Variants in RBM12 observed in about 807,000 individuals in gnomAD.
RBM12 encodes RNA-binding protein 12.
In RBM12, 24 loss-of-function variants were observed where a neutral mutation model predicts 37.2. The ratio of observed to expected loss-of-function variants is 0.65; its 90% CI spans 0.47 to 0.91. RBM12 has a LOEUF of 0.91. Ranked by LOEUF, RBM12 falls within the 40% of genes least tolerant of loss-of-function variation. The pLI is 0.00. For synonymous variants in RBM12, 420 were observed against 425.2 expected (o/e 0.99, Z 0.15); for missense variants, 1,061 against 1,183.2 (o/e 0.90, Z 1.52).
In RBM12 at chr20:35,654,440, T is replaced by G. The variant is rs752983329; in HGVS notation, c.883A>C (p.Lys295Gln). ...TCATCAGGGTTGATGGGGAGTGGCT[T>G]CACACTGCTCTGAGAGTTCATCTGG... ...PIQMNSQSSV[K>Q]PLPINPDDLY... The change falls in exon 3 of 3, where the codon AAG becomes CAG. Residue 295 changes from lysine to glutamine, a missense_variant. Coordinates refer to ENST00000374114, the MANE Select transcript of RBM12 (RefSeq NM_006047.6). 1 of 1,614,214 alleles carries G rather than the reference T, an allele frequency of 6.2e-7. No homozygotes were observed. The highest frequency in any genetic ancestry group is 8.5e-7 in the Non-Finnish European group (1 of 1,180,036).
At chr20:35,656,016 G>T (rs1181526745) in intron 2 of RBM12, among the ~76,000 whole-genome samples, 2 of 152,178 alleles carry the variant, frequency 1.3e-5, no homozygotes, top group East Asian at 3.9e-4. Flanking sequence ...ACAAGGTTAA[G>T]ACATACTAAG....
rs762801977 is a variant in RBM12 at position 35,653,217 on chromosome 20, A to G, written c.2106T>C (p.Gly702=). 1.4e-5 allele frequency: 23 copies of G among 1,613,304 alleles called. No individual in the cohort carries two copies. The South Asian group carries it at 2.5e-4, about 18-fold the overall frequency. The change falls in exon 3 of 3, where the codon GGT becomes GGC. Residue 702 remains glycine (G), a synonymous_variant. Coordinates refer to ENST00000374114, the MANE Select transcript of RBM12 (RefSeq NM_006047.6). ...CTACAGTCAGGAAGGCATGCTCTTCACCTCCTGCACTAGGTATTCCTGCAC... is the reference window on the plus strand; with the variant it reads ...CTACAGTCAGGAAGGCATGCTCTTCGCCTCCTGCACTAGGTATTCCTGCAC... The part of the protein sequence containing the change: ...MPSAGIPSAG[G]EEHAFLTVGS...
At chr20:35,657,521 G>A (rs1314447382) in intron 2 of RBM12, among the ~76,000 whole-genome samples, 3 of 152,142 alleles carry the variant, frequency 2.0e-5, no homozygotes, top group Non-Finnish European at 2.9e-5. Flanking sequence ...ACTTGATATA[G>A]TCCCAAGAAC....
chr20:35,656,771 T>C (rs562524575), intron 2 of RBM12, among the ~76,000 whole-genome samples: 7 of 147,324 alleles, frequency 4.8e-5, no homozygotes, highest in South Asian at 2.1e-4. Flanking sequence ...TCTTCCAAAG[T>C]GCTGGGATTA....
rs1414618176 is a variant in RBM12, at chr20:35,650,363, T to C, written c.*2161A>G. 4 of 152,370 alleles carry C rather than the reference T, an allele frequency of 2.6e-5. No homozygotes were observed. Among genetic ancestry groups the C allele is most frequent in the Non-Finnish European group, 4.4e-5 (3 of 68,006 alleles). 9.4% of individuals were successfully genotyped at this position (152,370 alleles called of 1,614,324 possible). On this transcript the variant is annotated 3_prime_UTR_variant, in exon 3 of 3. Transcript: ENST00000374114. Reference sequence around the variant, plus strand: ...AATATTTAATAAGAATGTACGAACATATAACCAAAATAAATTGTGAAAAAA... The same window carrying C: ...AATATTTAATAAGAATGTACGAACACATAACCAAAATAAATTGTGAAAAAA...
At chr20:35,660,161 A>C (rs1288512330) in intron 1 of RBM12, among the ~76,000 whole-genome samples, 4 of 152,202 alleles carry the variant, frequency 2.6e-5, no homozygotes, top group Admixed American at 1.3e-4. Flanking sequence ...AAAAGTCTAG[A>C]GCATTGTATT....
In RBM12 at chr20:35,655,350, G is replaced by C; in HGVS notation, c.-22-6C>G. The C allele has an allele frequency of 6.3e-7, 1 of 1,582,316 alleles. No homozygotes were observed. The highest frequency in any genetic ancestry group is 8.5e-7 in the Non-Finnish European group (1 of 1,170,118). On this transcript the variant is annotated splice_polypyrimidine_tract_variant and splice_region_variant and intron_variant, in intron 2 of 2. Transcript: ENST00000374114. ...TGCGCTGAAACCACACACACCTGCA[G>C]ATGAGAAAAGGCAACGGCCAGGTCA...
chr20:35,660,247 G>A (rs2034158453), intron 1 of RBM12, among the ~76,000 whole-genome samples: 1 of 151,928 alleles, frequency 6.6e-6, no homozygotes. Context: ...CTGTCGCCCA[G>A]GCTAGAGTGC....
Position 35,654,151 on chromosome 20 carries a change from A to G in RBM12, c.1172T>C (p.Phe391Ser), listed in dbSNP as rs149015741. ...TCCAGAAGGTCCCATATTTTGCTTA[A>G]AAGTGATATGGCCTCCAGCAGCTAC... is the stretch of plus-strand genomic sequence containing the variant. Reference protein sequence around the residue: ...QWVAAGGHITFKQNMGPSGQT... With the variant: ...QWVAAGGHITSKQNMGPSGQT... The change falls in exon 3 of 3, where the codon TTT becomes TCT. Residue 391 changes from phenylalanine to serine, a missense_variant. Phe to Ser is a radical substitution (Grantham distance 155). Transcript: ENST00000374114. 1.2e-6 allele frequency: 2 copies of G among 1,614,208 alleles called. No homozygotes were observed. Among genetic ancestry groups the G allele is most frequent in the Non-Finnish European group, 8.5e-7 (1 of 1,180,040 alleles).
In RBM12 at chr20:35,653,452, A is replaced by C. The variant is rs768736508; in HGVS notation, c.1871T>G (p.Met624Arg). 2 of 1,614,074 alleles carry C rather than the reference A, an allele frequency of 1.2e-6. No individual in the cohort carries two copies. The highest frequency in any genetic ancestry group is 1.7e-6 in the Non-Finnish European group (2 of 1,179,990). ...AFVHVVTLED[M>R]REIEKNPPAQ... ...AGGGGGATTTTTCTCAATCTCTCTC[A>C]TATCTTCTAGGGTAACTACATGAAC... is the stretch of plus-strand genomic sequence containing the variant. The change falls in exon 3 of 3, where the codon ATG becomes AGG. Residue 624 changes from methionine to arginine, a missense_variant. Transcript: ENST00000374114.
In RBM12 at chr20:35,651,368, T is replaced by A. The variant is rs567498101; in HGVS notation, c.*1156A>T. 2 of 152,336 alleles carry A rather than the reference T, an allele frequency of 1.3e-5. No homozygotes were observed. The highest frequency in any genetic ancestry group is 3.8e-4 in the East Asian group (2 of 5,196). 9.4% of individuals were successfully genotyped at this position (152,336 alleles called of 1,614,324 possible). On this transcript the variant is annotated 3_prime_UTR_variant, in exon 3 of 3. Coordinates refer to ENST00000374114, the MANE Select transcript of RBM12 (RefSeq NM_006047.6). ...TTTTCTCCTCTGGCGGCTGCACTTG[T>A]ACTCTGTATGAAGACTTTTAGTAAA...
At chr20:35,662,925 TA>T (rs1162582388) in intron 1 of RBM12, among the ~76,000 whole-genome samples, 2 of 152,210 alleles carry the variant, frequency 1.3e-5, no homozygotes, top group Non-Finnish European at 2.9e-5. Flanking sequence ...GATTTGAACA[TA>T]AAGAAAATGA....
At position 35,652,811 on chromosome 20, in the gene RBM12, T is replaced by TTGGGCC. The variant is rs781305639; in HGVS notation, c.2506_2511dup (p.Gly836_Pro837dup). On this transcript the variant is annotated inframe_insertion, in exon 3 of 3. Coordinates refer to ENST00000374114, the MANE Select transcript of RBM12 (RefSeq NM_006047.6). ...AAGCCAGGGGGACCACCAATATGGA[T>TTGGGCC]TGGGCCAGGGCCGGGGCCGGGGCCG... 308 of 1,589,976 alleles carry TTGGGCC rather than the reference T, an allele frequency of 1.9e-4. 1 individual carries two copies. The East Asian group carries it at 4.0e-3, about 21-fold the overall frequency.
chr20:35,660,405 CAG>C (rs1411885398), intron 1 of RBM12, among the ~76,000 whole-genome samples: 2 of 152,012 alleles, frequency 1.3e-5, no homozygotes, highest in Admixed American at 1.3e-4. Context: ...TTAGTAGAGA[CAG>C]GGGTTTCATT....
rs141540679 is a variant in RBM12, at chr20:35,654,803, T to C, written c.520A>G (p.Thr174Ala). ...ATTGGAGAGGCTGTGCTTGGAACAG[T>C]TGAGCTAAACGTTGGGCTCCCAAAG... ...ASFGSPTFSS[T>A]VPSTASPMNT... The change falls in exon 3 of 3, where the codon ACT becomes GCT. Residue 174 changes from threonine (T) to alanine (A), a missense_variant. By Grantham distance (58) the Thr-to-Ala change is moderately conservative (BLOSUM62 0). Coordinates refer to ENST00000374114, the MANE Select transcript of RBM12 (RefSeq NM_006047.6). The C allele has an allele frequency of 3.2e-4, 509 of 1,614,096 alleles. No homozygotes were observed. Among genetic ancestry groups the C allele is most frequent in the African/African-American group, 1.2e-3 (87 of 75,024 alleles).
intron 1 of RBM12, among the ~76,000 whole-genome samples, chr20:35,662,974 T>A (rs561567456): frequency 6.6e-6 from 1 of 152,358 alleles, no homozygotes; most frequent in East Asian, 1.9e-4. Flanking sequence ...AGTAATCACA[T>A]TTAATCGAGC....
chr20:35,653,190 T>G lies in RBM12; in HGVS notation c.2133A>C (p.Gly711=). The change falls in exon 3 of 3, where the codon GGA becomes GGC. Residue 711 remains glycine, a synonymous_variant. Transcript: ENST00000374114. ...GAGGCCCATTATTGGCTTCCTTTGA[T>G]CCTACAGTCAGGAAGGCATGCTCTT... ...GGEEHAFLTV[G]SKEANNGPPF... is the part of the protein sequence containing the mutation. 1 of 1,613,510 alleles carries G rather than the reference T, an allele frequency of 6.2e-7. No homozygotes were observed. The highest frequency in any genetic ancestry group is 8.5e-7 in the Non-Finnish European group (1 of 1,180,028).
intron 1 of RBM12, chr20:35,664,296 G>A (rs1399639844): frequency 6.6e-6 from 1 of 152,336 alleles, no homozygotes; most frequent in Non-Finnish European, 1.5e-5. Flanking sequence ...TTGCTGGTAG[G>A]CCACAAAGGC....
Position 35,650,945 on chromosome 20 carries a change from T to G in RBM12, c.*1579A>C, listed in dbSNP as rs572066691. On this transcript the variant is annotated 3_prime_UTR_variant, in exon 3 of 3. Transcript: ENST00000374114. ...GTTTCAAACGAAGACAAAGGGGCCATGTAAAAGATAAAATTTGGTTTTCAT... is the reference window on the plus strand; with the variant it reads ...GTTTCAAACGAAGACAAAGGGGCCAGGTAAAAGATAAAATTTGGTTTTCAT... The G allele has an allele frequency of 1.3e-5, 2 of 152,696 alleles. No homozygotes were observed. Among genetic ancestry groups the G allele is most frequent in the African/African-American group, 4.8e-5 (2 of 41,562 alleles). 9.5% of individuals were successfully genotyped at this position (152,696 alleles called of 1,614,324 possible).
Sources: allele counts gnomAD v4.1 joint callset (sites outside exome capture counted in the v4.1 genomes callset), GRCh38; gene constraint gnomAD v4.1.1; transcripts MANE v1.5; gene names NCBI Gene and HGNC (gene_info 2026-07-23, HGNC 2026-07-21).